Variants in PLPPR4 observed in about 807,000 individuals in gnomAD.
The protein encoded by PLPPR4 is phospholipid phosphatase-related protein type 4.
Under a neutral mutation model 56.6 loss-of-function variants are expected in PLPPR4, and 24 were observed. The ratio of observed to expected loss-of-function variants is 0.42; its 90% CI spans 0.31 to 0.60. PLPPR4 has a LOEUF of 0.60. PLPPR4 is among the 20% of genes least tolerant of loss of function. The pLI is 0.13. For synonymous variants in PLPPR4, 326 were observed against 328.1 expected, an observed-to-expected ratio of 0.99 and a Z score of 0.07; for missense variants, 654 against 885.8, an observed-to-expected ratio of 0.74 and a Z score of 3.32.
At chr1:99,282,167 A>G (rs948351843) in intron 1 of PLPPR4, among the ~76,000 whole-genome samples, 1 of 152,108 alleles carries the variant, frequency 6.6e-6, no homozygotes, top group Non-Finnish European at 1.5e-5. Flanking sequence ...TTTCCATCCA[A>G]ACTTCTCCCT....
At chr1:99,290,346 T>C (rs1002732371) in intron 2 of PLPPR4, among the ~76,000 whole-genome samples, 2 of 152,054 alleles carry the variant, frequency 1.3e-5, no homozygotes, top group African/African-American at 4.8e-5. Context: ...AGAATCAATA[T>C]CATGAAAATG....
Position 99,296,723 on chromosome 1 carries a change from CTTCT to C in PLPPR4, c.265-14_265-11del. 6.3e-7 allele frequency: 1 copy of C among 1,578,272 alleles called. No homozygotes were observed. Among genetic ancestry groups the C allele is most frequent in the East Asian group, 2.3e-5 (1 of 44,310 alleles). On this transcript the variant is annotated splice_polypyrimidine_tract_variant and intron_variant, in intron 2 of 6. Transcript: ENST00000370185. Reference sequence around the variant, plus strand: ...TCCAACATGCCTCTTCCTGAATACCCTTCTATCTTTGCAGATTATGGTAGGAGAA... The same window carrying C: ...TCCAACATGCCTCTTCCTGAATACCCATCTTTGCAGATTATGGTAGGAGAA...
chr1:99,264,863 C>T (rs1449156399), intron 1 of PLPPR4, among the ~76,000 whole-genome samples, 192 bp downstream of exon 1: 1 of 152,152 alleles, frequency 6.6e-6, no homozygotes, highest in Admixed American at 6.5e-5. Context: ...CCTGTCAGCC[C>T]GGGGTGATTA....
intron 6 of PLPPR4, among the ~76,000 whole-genome samples, chr1:99,304,969 C>T (rs1291579487): frequency 6.6e-6 from 1 of 152,116 alleles, no homozygotes; most frequent in Non-Finnish European, 1.5e-5. Context: ...AAAAAAGATA[C>T]ACTGTGTATG....
At chr1:99,268,495 C>A (rs972296720) in intron 1 of PLPPR4, among the ~76,000 whole-genome samples, 2 of 152,144 alleles carry the variant, frequency 1.3e-5, no homozygotes, top group African/African-American at 2.4e-5. Flanking sequence ...TTGTTCACCA[C>A]GATACCTGAT....
intron 5 of PLPPR4, among the ~76,000 whole-genome samples, chr1:99,301,318 C>T (rs115604259): frequency 0.013 from 1,949 of 151,028 alleles, 16 homozygotes; most frequent in Non-Finnish European, 0.019. Flanking sequence ...CACACACACA[C>T]GTACGCTACT....
intron 6 of PLPPR4, among the ~76,000 whole-genome samples, chr1:99,302,621 G>A (rs1457341445): frequency 8.7e-5 from 13 of 148,670 alleles, no homozygotes; most frequent in East Asian, 2.0e-4. Context: ...CCATTAACTC[G>A]TCATTTAGCA....
At chr1:99,265,154 C>A (rs1005046517) in intron 1 of PLPPR4, among the ~76,000 whole-genome samples, 10 of 144,474 alleles carry the variant, frequency 6.9e-5, no homozygotes, top group East Asian at 4.3e-4. Context: ...GCCCCCCCCC[C>A]CCAAATCCTT....
intron 3 of PLPPR4, 193 bp from the exon 4 acceptor site, chr1:99,298,842 T>G: frequency 1.5e-6 from 1 of 660,476 alleles, no homozygotes; most frequent in South Asian, 1.7e-5. Context: ...ACTTTGGAGA[T>G]ACTCATTGCC....
intron 5 of PLPPR4, 69 bp downstream of exon 5, chr1:99,301,035 G>T (rs1659872225): frequency 1.5e-6 from 2 of 1,362,488 alleles, no homozygotes. Context: ...GTTGTCTCCA[G>T]GTGACTAATT....
intron 4 of PLPPR4, among the ~76,000 whole-genome samples, chr1:99,300,440 A>G (rs1659857550): frequency 6.6e-6 from 1 of 152,082 alleles, no homozygotes; most frequent in Non-Finnish European, 1.5e-5. Flanking sequence ...GAGTATTAAC[A>G]AAACACATTT....
At position 99,266,572 on chromosome 1, in the gene PLPPR4, G is replaced by A. The variant is rs190827709; in HGVS notation, c.78+1901G>A. Among the ~76,000 whole-genome samples the A allele has an allele frequency of 2.0e-5, 3 of 152,316 alleles. No homozygotes were observed. In the East Asian group the frequency reaches 5.8e-4, roughly 29 times the overall value. On this transcript the variant is annotated intron_variant, in intron 1 of 6. Transcript: ENST00000370185. ...TACTTCTTTTCCATGAGTGGAAATA[G>A]CCCAGATTCATTACTTTTACTTTGG... is the stretch of plus-strand genomic sequence containing the variant.
At chr1:99,263,852 A>C (rs1464650984), upstream of PLPPR4, 3 of 152,284 alleles carry the variant, frequency 2.0e-5, no homozygotes, top group Non-Finnish European at 4.4e-5. Flanking sequence ...CTCTGGATGC[A>C]AGGAACCCAC....
chr1:99,295,735 T>C (rs1659723837), intron 2 of PLPPR4, among the ~76,000 whole-genome samples: 1 of 152,212 alleles, frequency 6.6e-6, no homozygotes, highest in South Asian at 2.1e-4. Context: ...AGTTAGCAAA[T>C]GTGAGTCCCA....
At chr1:99,275,339 T>A (rs1293961967) in intron 1 of PLPPR4, among the ~76,000 whole-genome samples, 1 of 152,190 alleles carries the variant, frequency 6.6e-6, no homozygotes, top group Admixed American at 6.5e-5. Flanking sequence ...TGTTACATCT[T>A]TCAATATTTC....
At chr1:99,283,588 T>A (rs1167552592) in intron 1 of PLPPR4, among the ~76,000 whole-genome samples, 1 of 152,178 alleles carries the variant, frequency 6.6e-6, no homozygotes, top group Non-Finnish European at 1.5e-5. Flanking sequence ...GAATCAGTCT[T>A]TTCCTTTTGA....
chr1:99,293,778 G>GT (rs1188993400), intron 2 of PLPPR4, among the ~76,000 whole-genome samples: 2 of 152,056 alleles, frequency 1.3e-5, no homozygotes, highest in African/African-American at 4.8e-5. Context: ...AATTTTTGTT[G>GT]TTTTGTTTTA....
Position 99,305,761 on chromosome 1 carries a change from C to A in PLPPR4, c.899C>A (p.Thr300Lys), listed in dbSNP as rs1660007693. 6.2e-7 allele frequency: 1 copy of A among 1,613,946 alleles called. No homozygotes were observed. Among genetic ancestry groups the A allele is most frequent in the South Asian group, 1.1e-5 (1 of 91,076 alleles). Residue 300 changes from threonine to lysine, a missense_variant, in exon 7 of 7, where the codon ACA (threonine) becomes AAA (lysine). This residue lies in a region of PLPPR4 where 468 missense variants were observed against 554.3 expected (regional missense o/e 0.84). Coordinates refer to ENST00000370185, the MANE Select transcript of PLPPR4 (RefSeq NM_014839.5). ...CACAGAGACGCCCTCAGGTCTCTGACAGACCTCAATCAAGATCCCAACCGA... is the reference window on the plus strand; with the variant it reads ...CACAGAGACGCCCTCAGGTCTCTGAAAGACCTCAATCAAGATCCCAACCGA... The part of the protein sequence containing the change: ...FQHRDALRSL[T>K]DLNQDPNRLL...
chr1:99,288,223 G>A, intron 2 of PLPPR4, 73 bp downstream of exon 2: 8 of 1,332,190 alleles, frequency 6.0e-6, no homozygotes, highest in Non-Finnish European at 7.3e-6. Context: ...ATAATAAATG[G>A]GTTCAAAGCA....
Sources: gnomAD v4.1 joint callset for allele counts (sites outside exome capture counted in the v4.1 genomes callset) on GRCh38, gnomAD v4.1.1 for gene constraint, gnomAD v4.1.1 regional missense constraint, MANE v1.5 for transcripts, NCBI Gene and HGNC (gene_info 2026-07-23, HGNC 2026-07-21) for gene names.